Variants in GRIK3 observed in about 807,000 individuals in gnomAD.
The protein encoded by GRIK3 is glutamate ionotropic receptor kainate type subunit 3.
Under a neutral mutation model 102.5 loss-of-function variants are expected in GRIK3, and 29 were observed. That is an observed-to-expected ratio of 0.28 (90% CI 0.21 to 0.39). The LOEUF is 0.39. Among genes scored for constraint, GRIK3 ranks in the 10% least tolerant of loss-of-function variants. The pLI is 1.00. For synonymous variants in GRIK3, 511 were observed against 504.9 expected (o/e 1.01, Z -0.16); for missense variants, 908 against 1,252.4 (o/e 0.73, Z 4.15).
chr1:36,995,603 G>T (rs1642411645), intron 1 of GRIK3, among the ~76,000 whole-genome samples: 1 of 152,098 alleles, frequency 6.6e-6, no homozygotes, highest in Non-Finnish European at 1.5e-5. Context: ...TTCCATCCTT[G>T]GAATGTGTCT....
At chr1:36,910,617 G>A (rs1641333920) in intron 1 of GRIK3, among the ~76,000 whole-genome samples, 1 of 152,258 alleles carries the variant, frequency 6.6e-6, no homozygotes, top group Non-Finnish European at 1.5e-5. Flanking sequence ...GCTGGACACA[G>A]CATGTGGTTT....
intron 1 of GRIK3, among the ~76,000 whole-genome samples, chr1:36,946,862 C>T (rs1401996543): frequency 6.6e-6 from 1 of 152,206 alleles, no homozygotes; most frequent in Non-Finnish European, 1.5e-5. Context: ...CCCCAACAGG[C>T]TGTCAGGTAC....
chr1:36,954,726 C>A (rs560204486), intron 1 of GRIK3, among the ~76,000 whole-genome samples: 1 of 152,342 alleles, frequency 6.6e-6, no homozygotes, highest in Admixed American at 6.5e-5. Context: ...CAGAGAAGCA[C>A]ATGTGTACAC....
In GRIK3 at chr1:36,817,074, T is replaced by C; in HGVS notation, c.2077A>G (p.Met693Val). 6.2e-7 allele frequency: 1 copy of C among 1,612,644 alleles called. No homozygotes were observed. Among genetic ancestry groups the C allele is most frequent in the Non-Finnish European group, 8.5e-7 (1 of 1,178,622 alleles). ...GAGGGCCTCACCTTGAAGAAGGTCATGGTGGCCCCATCCTTGACAGCCCCA... is the reference window on the plus strand; with the variant it reads ...GAGGGCCTCACCTTGAAGAAGGTCACGGTGGCCCCATCCTTGACAGCCCCA... ...EYGAVKDGATMTFFKKSKIST... is the reference protein window; with the variant it reads ...EYGAVKDGATVTFFKKSKIST... The change falls in exon 13 of 16, where the codon ATG (methionine) becomes GTG (valine). Residue 693 changes from methionine (M) to valine (V), a missense_variant. Around this residue, in one of 3 missense-constraint regions of GRIK3, gnomAD observed 297 missense variants for 362.7 expected, o/e 0.82. Coordinates refer to ENST00000373091, the MANE Select transcript of GRIK3 (RefSeq NM_000831.4).
chr1:36,944,064 C>T (rs3767080), intron 1 of GRIK3, among the ~76,000 whole-genome samples: 37,104 of 152,178 alleles, frequency 0.24, 5,832 homozygotes, highest in East Asian at 0.61. Flanking sequence ...TCACACAGGG[C>T]ATCTGAGGAA....
chr1:36,804,957 C>A, intron 15 of GRIK3, 30 bp downstream of exon 15: 5 of 1,611,622 alleles, frequency 3.1e-6, no homozygotes, highest in Non-Finnish European at 4.2e-6. Flanking sequence ...CATTTCCCAT[C>A]CTGTGCAGGC....
Position 36,801,761 on chromosome 1 carries a change from G to A in GRIK3, c.*90C>T, listed in dbSNP as rs1642442375. The A allele has an allele frequency of 3.5e-6, 4 of 1,150,214 alleles. No homozygotes were observed. The highest frequency in any genetic ancestry group is 4.8e-6 in the Non-Finnish European group (4 of 835,402). The allele number at this position is 1,150,214 out of a possible 1,614,324, so 71.3% of individuals were successfully genotyped here. A position where few individuals can be genotyped will look rare whatever the true frequency, so the allele number is the denominator to read the frequency against. ...GGCAGGTGGCAGCTCTGGTCCCCAA[G>A]CCCAGTGCGGGGACAGGGGACGTTC... On this transcript the variant is annotated 3_prime_UTR_variant, in exon 16 of 16. Coordinates refer to ENST00000373091, the MANE Select transcript of GRIK3 (RefSeq NM_000831.4).
At chr1:36,882,710 A>G (rs1175300375) in intron 2 of GRIK3, among the ~76,000 whole-genome samples, 1 of 152,322 alleles carries the variant, frequency 6.6e-6, no homozygotes, top group East Asian at 1.9e-4. Flanking sequence ...TCCCTCTTTA[A>G]GTGAACCTTC....
intron 13 of GRIK3, among the ~76,000 whole-genome samples, chr1:36,815,090 A>T (rs1642611484): frequency 6.6e-6 from 1 of 152,124 alleles, no homozygotes. Context: ...ATCCTCACCT[A>T]CTCACTCATA....
rs774714181 is a variant in GRIK3, at chr1:36,799,182, G to C, written c.*2669C>G. ...AACAGGACATGATGTCCACAGCAAA[G>C]GCATCAGCAGCATGAGCCCCTGAAG... is the stretch of plus-strand genomic sequence containing the variant. On this transcript the variant is annotated 3_prime_UTR_variant, in exon 16 of 16. Transcript: ENST00000373091. The C allele has an allele frequency of 3.3e-5, 5 of 152,244 alleles. No homozygotes were observed. Among genetic ancestry groups the C allele is most frequent in the Non-Finnish European group, 5.9e-5 (4 of 68,040 alleles). The allele number at this position is 152,244 out of a possible 1,614,324, so 9.4% of individuals were successfully genotyped here.
intron 9 of GRIK3, among the ~76,000 whole-genome samples, chr1:36,848,662 C>A (rs981469497): frequency 8.6e-5 from 13 of 151,634 alleles, no homozygotes; most frequent in African/African-American, 3.2e-4. Flanking sequence ...CTCTTTTTAA[C>A]CCTCCTTTAT....
chr1:36,938,423 TA>T, intron 1 of GRIK3, among the ~76,000 whole-genome samples: 1 of 152,318 alleles, frequency 6.6e-6, no homozygotes, highest in East Asian at 1.9e-4. Context: ...GATTAAACAG[TA>T]AAACCTTGAC....
intron 1 of GRIK3, among the ~76,000 whole-genome samples, chr1:37,004,725 T>C (rs1642513425): frequency 6.6e-6 from 1 of 152,224 alleles, no homozygotes; most frequent in Non-Finnish European, 1.5e-5. Context: ...ATGGCACATG[T>C]GTGACTTAGG....
intron 1 of GRIK3, among the ~76,000 whole-genome samples, chr1:36,931,844 T>G (rs1641594331): frequency 6.6e-6 from 1 of 152,198 alleles, no homozygotes; most frequent in Admixed American, 6.5e-5. Context: ...TGGTTGGGGC[T>G]GACTTTGTGA....
At chr1:36,961,735 C>A (rs77576921) in intron 1 of GRIK3, among the ~76,000 whole-genome samples, 8,065 of 152,326 alleles carry the variant, frequency 0.053, 223 homozygotes, top group Middle Eastern at 0.078. Flanking sequence ...TGCAAAGACC[C>A]GTGAATGAAG....
chr1:37,030,359 A>T (rs1431785111), intron 1 of GRIK3, among the ~76,000 whole-genome samples: 1 of 152,072 alleles, frequency 6.6e-6, no homozygotes, highest in African/African-American at 2.4e-5. Context: ...CAGTCATAGG[A>T]GTTACAGATG....
intron 11 of GRIK3, among the ~76,000 whole-genome samples, chr1:36,825,053 C>T (rs1642740734): frequency 1.3e-5 from 2 of 152,180 alleles, no homozygotes; most frequent in Admixed American, 1.3e-4. Context: ...CCAGGGTGCG[C>T]TATGTCTACT....
chr1:36,948,771 C>A (rs1020881618), intron 1 of GRIK3, among the ~76,000 whole-genome samples: 1 of 152,146 alleles, frequency 6.6e-6, no homozygotes, highest in Non-Finnish European at 1.5e-5. Flanking sequence ...GGAAGGAGCG[C>A]CTGGCCTCCT....
intron 10 of GRIK3, among the ~76,000 whole-genome samples, chr1:36,830,360 C>G (rs1021496310): frequency 6.7e-6 from 1 of 148,800 alleles, no homozygotes; most frequent in African/African-American, 2.4e-5. Context: ...TGAATTATGC[C>G]CCCCCACCCC....
Sources: gnomAD v4.1 joint callset for allele counts (sites outside exome capture counted in the v4.1 genomes callset) on GRCh38, gnomAD v4.1.1 for gene constraint, gnomAD v4.1.1 regional missense constraint, MANE v1.5 for transcripts, NCBI Gene and HGNC (gene_info 2026-07-23, HGNC 2026-07-21) for gene names.